Variants in PMFBP1 observed in about 807,000 individuals in gnomAD.
PMFBP1 encodes polyamine modulated factor 1 binding protein 1.
Under a neutral mutation model 137.8 loss-of-function variants are expected in PMFBP1, and 131 were observed. The ratio of observed to expected loss-of-function variants is 0.95; its 90% CI spans 0.82 to 1.10. PMFBP1 has a LOEUF of 1.10. Among genes scored for constraint, PMFBP1 ranks in the 50% least tolerant of loss-of-function variants. The probability of loss-of-function intolerance (pLI) is 0.00; values close to 1 mark genes in which losing one functional copy is unlikely to be tolerated. For synonymous variants in PMFBP1, 490 were observed against 450.4 expected (o/e 1.09, Z -1.11); for missense variants, 1,199 against 1,175.4 (o/e 1.02, Z -0.29).
intron 5 of PMFBP1, among the ~76,000 whole-genome samples, chr16:72,150,205 G>T (rs1053183742): frequency 6.6e-6 from 1 of 152,154 alleles, no homozygotes; most frequent in Admixed American, 6.6e-5. Flanking sequence ...ACTAAGAAAA[G>T]ATTGGACATT....
the PMFBP1 span, among the ~76,000 whole-genome samples, chr16:72,195,835 G>A: frequency 1.3e-5 from 2 of 152,216 alleles, no homozygotes; most frequent in Non-Finnish European, 2.9e-5. Context: ...CTGGGCTGGG[G>A]GTCCTGCCTT....
the PMFBP1 span, among the ~76,000 whole-genome samples, chr16:72,204,574 G>A: frequency 1.3e-5 from 2 of 152,202 alleles, no homozygotes; most frequent in Non-Finnish European, 2.9e-5. Flanking sequence ...GATCATTTTG[G>A]CAGGTCCTGA....
the PMFBP1 span, among the ~76,000 whole-genome samples, chr16:72,236,574 G>C: frequency 6.6e-6 from 1 of 152,130 alleles, no homozygotes; most frequent in Non-Finnish European, 1.5e-5. Flanking sequence ...CATTCCTTCT[G>C]CTGTAATCTC....
chr16:72,124,219 C>A (rs2042419050), intron 17 of PMFBP1, among the ~76,000 whole-genome samples: 1 of 152,212 alleles, frequency 6.6e-6, no homozygotes, highest in South Asian at 2.1e-4. Context: ...CTATGTTGCC[C>A]AGGCTGGTCT....
upstream of PMFBP1, among the ~76,000 whole-genome samples, chr16:72,175,095 C>T (rs2043253475): frequency 1.3e-5 from 2 of 152,198 alleles, no homozygotes; most frequent in South Asian, 4.1e-4. Flanking sequence ...TATCTTTTAC[C>T]TTGAAAGGTA....
At position 72,119,166 on chromosome 16, in the gene PMFBP1, C is replaced by G; in HGVS notation, c.*172G>C. ...TGGTAGTATGGTTCTAAAGCTCACT[C>G]CATGGCAGGAAGTGGACAAAACTCA... is the stretch of plus-strand genomic sequence containing the variant. On this transcript the variant is annotated 3_prime_UTR_variant, in exon 21 of 21. Coordinates refer to ENST00000237353, the MANE Select transcript of PMFBP1 (RefSeq NM_031293.3). The G allele has an allele frequency of 1.5e-6, 1 of 689,548 alleles. No homozygotes were observed. Among genetic ancestry groups the G allele is most frequent in the Admixed American group, 2.7e-5 (1 of 37,474 alleles). The allele number at this position is 689,548 out of a possible 1,614,324, so 42.7% of individuals were successfully genotyped here.
chr16:72,150,902 T>A, intron 4 of PMFBP1, 73 bp from the exon 5 acceptor site: 1 of 1,328,692 alleles, frequency 7.5e-7, no homozygotes, highest in East Asian at 2.3e-5. Context: ...GTTGTAAGAT[T>A]CCCTGCAGAG....
At chr16:72,124,501 A>T (rs1187571272) in intron 17 of PMFBP1, among the ~76,000 whole-genome samples, 1 of 152,248 alleles carries the variant, frequency 6.6e-6, no homozygotes, top group Non-Finnish European at 1.5e-5. Context: ...GACCCAGTGG[A>T]CTAGGTCAGG....
chr16:72,219,625 G>A, the PMFBP1 span, among the ~76,000 whole-genome samples: 5 of 152,200 alleles, frequency 3.3e-5, no homozygotes, highest in South Asian at 4.1e-4. Flanking sequence ...ATGCTGAGCC[G>A]GATAGGTCAT....
At chr16:72,152,917 T>C (rs1021202072) in intron 4 of PMFBP1, among the ~76,000 whole-genome samples, 3 of 149,646 alleles carry the variant, frequency 2.0e-5, no homozygotes, top group African/African-American at 7.4e-5. Flanking sequence ...ACTTAGAGAA[T>C]GGAAGCCCTG....
Position 72,119,114 on chromosome 16 carries a change from C to G in PMFBP1, c.*224G>C, listed in dbSNP as rs1276649318. 1.1e-5 allele frequency: 6 copies of G among 524,624 alleles called. No individual in the cohort carries two copies. The allele number at this position is 524,624 out of a possible 1,614,324, so 32.5% of individuals were successfully genotyped here. A position where few individuals can be genotyped will look rare whatever the true frequency, so the allele number is the denominator to read the frequency against. On this transcript the variant is annotated 3_prime_UTR_variant, in exon 21 of 21. Transcript: ENST00000237353. ...ACAACTGCTGTGCTCATGCTCATGT[C>G]TTTATTTCAGAGTTTGGGCCTGGAG...
chr16:72,235,898 G>T, the PMFBP1 span, among the ~76,000 whole-genome samples: 1 of 152,058 alleles, frequency 6.6e-6, no homozygotes, highest in African/African-American at 2.4e-5. Context: ...TATATGGATT[G>T]CTTAAGATTT....
In PMFBP1 at chr16:72,137,350, G is replaced by A. The variant is rs182924819; in HGVS notation, c.919-531C>T. On this transcript the variant is annotated intron_variant, in intron 7 of 20. Transcript: ENST00000237353. ...TGTCCCCACAGAGCTGACCTAGTGG[G>A]GTGAGATGAAGAGCATAATAAGTAG... Among the ~76,000 whole-genome samples, 291 of 152,288 alleles carry A rather than the reference G, an allele frequency of 1.9e-3. 2 individuals carry two copies. Among genetic ancestry groups the A allele is most frequent in the Non-Finnish European group, 3.4e-3 (229 of 68,022 alleles).
chr16:72,143,846 G>A (rs1342399283), intron 5 of PMFBP1, among the ~76,000 whole-genome samples: 2 of 152,038 alleles, frequency 1.3e-5, no homozygotes, highest in Non-Finnish European at 2.9e-5. Flanking sequence ...TTCGAGGCCA[G>A]CCTGACCAAC....
chr16:72,241,131 T>C, the PMFBP1 span, among the ~76,000 whole-genome samples: 4 of 152,264 alleles, frequency 2.6e-5, 1 homozygote. Context: ...GGTTACAAAA[T>C]AGCACTCTCA....
the PMFBP1 span, chr16:72,225,175 T>G: frequency 2.0e-5 from 3 of 152,156 alleles, no homozygotes; most frequent in Non-Finnish European, 2.9e-5. Flanking sequence ...ACTAGAACAC[T>G]TCAGAATAGT....
the PMFBP1 span, among the ~76,000 whole-genome samples, chr16:72,212,922 C>T: frequency 3.9e-5 from 6 of 152,202 alleles, no homozygotes; most frequent in Non-Finnish European, 7.3e-5. Flanking sequence ...ACACCTTACA[C>T]ATTCTGATGG....
chr16:72,150,710 T>G lies in PMFBP1; in HGVS notation c.534A>C (p.Leu178Phe), dbSNP rs748331205. Residue 178 changes from leucine to phenylalanine, a missense_variant, in exon 5 of 21, where the codon TTA becomes TTC. Physicochemically the swap from Leu to Phe is conservative, Grantham distance 22. Transcript: ENST00000237353. ...GDKIASLERSLNLYRDKYQSS... is the reference protein window; with the variant it reads ...GDKIASLERSFNLYRDKYQSS... ...ACTGGTATTTATCCCTGTAGAGGTT[T>G]AAGCTCCTCTCTAGAGAGGCGATCT... The G allele has an allele frequency of 3.1e-6, 5 of 1,614,196 alleles. No individual in the cohort carries two copies. The highest frequency in any genetic ancestry group is 4.2e-6 in the Non-Finnish European group (5 of 1,180,006).
rs1310287031 is a variant in PMFBP1 at position 72,130,229 on chromosome 16, T to A, written c.1766A>T (p.Asp589Val). 1.2e-6 allele frequency: 2 copies of A among 1,613,468 alleles called. No individual in the cohort carries two copies. The highest frequency in any genetic ancestry group is 1.3e-5 in the African/African-American group (1 of 74,922). Residue 589 changes from aspartate (D) to valine (V), a missense_variant, in exon 12 of 21, where the codon GAT becomes GTT. Transcript: ENST00000237353. ...EQDMKMNDML[D>V]RIKHQHREQG... is the part of the protein sequence containing the mutation. Reference sequence around the variant, plus strand: ...CCGTCATACCTGGTGCTTGATACGATCAAGCATGTCATTCATTTTCATATC... The same window carrying A: ...CCGTCATACCTGGTGCTTGATACGAACAAGCATGTCATTCATTTTCATATC...
Sources: allele counts gnomAD v4.1 joint callset (sites outside exome capture counted in the v4.1 genomes callset), GRCh38; gene constraint gnomAD v4.1.1; transcripts MANE v1.5; gene names NCBI Gene and HGNC (gene_info 2026-07-23, HGNC 2026-07-21).